The following PACRG variants were observed in gnomAD, a reference collection of about 807,000 sequenced individuals.
PACRG encodes the protein parkin coregulated gene protein.
PACRG carries 29 observed loss-of-function variants against 29.7 expected under a neutral mutation model. The observed-to-expected ratio is 0.98, with a 90% CI of 0.73 to 1.33. PACRG has a LOEUF of 1.33. Among genes scored for constraint, PACRG ranks in the 40% most tolerant of loss-of-function variants. The probability of loss-of-function intolerance (pLI) is 0.00; values close to 1 mark genes in which losing one functional copy is unlikely to be tolerated. For synonymous variants in PACRG, 116 were observed against 118.7 expected, an observed-to-expected ratio of 0.98 and a Z score of 0.15; for missense variants, 279 against 316.2, an observed-to-expected ratio of 0.88 and a Z score of 0.89.
intron 4 of PACRG, among the ~76,000 whole-genome samples, chr6:163,269,865 AAG>A (rs375505857): frequency 4.9e-5 from 3 of 61,176 alleles, no homozygotes; most frequent in African/African-American, 1.8e-4. Context: ...AAGAGAAAGA[AAG>A]AGAAAGAAAG....
At chr6:163,022,419 G>A (rs1322138980) in intron 2 of PACRG, among the ~76,000 whole-genome samples, 4 of 152,178 alleles carry the variant, frequency 2.6e-5, no homozygotes, top group African/African-American at 4.8e-5. Flanking sequence ...GAAGGCTGCC[G>A]AGATAAAAGC....
At chr6:163,118,548 T>C (rs1359278646) in intron 4 of PACRG, among the ~76,000 whole-genome samples, 7 of 152,262 alleles carry the variant, frequency 4.6e-5, no homozygotes, top group Admixed American at 4.6e-4. Context: ...AAAACTGTTA[T>C]TCATGTTAGG....
intron 4 of PACRG, among the ~76,000 whole-genome samples, chr6:163,097,146 A>G (rs1387200922): frequency 6.6e-6 from 1 of 151,890 alleles, no homozygotes; most frequent in African/African-American, 2.4e-5. Flanking sequence ...TGAAATCCCA[A>G]CCTCTTTCCA....
intron 2 of PACRG, among the ~76,000 whole-genome samples, chr6:162,825,086 T>C (rs978360602): frequency 6.6e-6 from 1 of 152,174 alleles, no homozygotes; most frequent in Admixed American, 6.5e-5. Flanking sequence ...ATTGCCATAT[T>C]AAGAAATAAT....
In PACRG at chr6:163,275,007, C is replaced by T. The variant is rs533499521; in HGVS notation, c.614-39820C>T. Among the ~76,000 whole-genome samples the T allele has an allele frequency of 7.2e-5, 11 of 151,998 alleles. No individual in the cohort carries two copies. The South Asian group carries it at 1.2e-3, about 17-fold the overall frequency. ...CCTCCCAAGTAGCTGAGATTACAGG[C>T]GTGCACCACCAGACCCAGCTAGGTT... On this transcript the variant is annotated intron_variant, in intron 4 of 4. Transcript: ENST00000366888.
At chr6:163,103,397 C>T (rs2128315065) in intron 4 of PACRG, among the ~76,000 whole-genome samples, 1 of 152,268 alleles carries the variant, frequency 6.6e-6, no homozygotes, top group African/African-American at 2.4e-5. Context: ...TATCACTCGG[C>T]CTCCCCTTCT....
At chr6:163,253,204 G>T (rs1782976067) in intron 4 of PACRG, among the ~76,000 whole-genome samples, 1 of 151,548 alleles carries the variant, frequency 6.6e-6, no homozygotes, top group Non-Finnish European at 1.5e-5. Flanking sequence ...GGAGGCTGAG[G>T]CAGGAGAATC....
intron 4 of PACRG, among the ~76,000 whole-genome samples, chr6:163,145,974 T>G (rs929541363): frequency 4.6e-5 from 7 of 152,312 alleles, no homozygotes; most frequent in African/African-American, 1.7e-4. Flanking sequence ...ATTAAGTCTC[T>G]GGTGGTGAAA....
chr6:162,748,535 C>A (rs1157321360), intron 1 of PACRG, among the ~76,000 whole-genome samples: 2 of 152,032 alleles, frequency 1.3e-5, no homozygotes, highest in African/African-American at 2.4e-5. Flanking sequence ...AACTTGTATT[C>A]AGTTTATAGT....
intron 4 of PACRG, among the ~76,000 whole-genome samples, chr6:163,133,347 T>C (rs1045537019): frequency 2.6e-5 from 4 of 152,220 alleles, no homozygotes; most frequent in African/African-American, 9.6e-5. Context: ...TTTTAATCAA[T>C]AACTACAAGT....
At chr6:163,239,831 C>T (rs1258902463) in intron 4 of PACRG, among the ~76,000 whole-genome samples, 1 of 107,474 alleles carries the variant, frequency 9.3e-6, no homozygotes, top group East Asian at 2.6e-4. Context: ...TACTTCTACA[C>T]ACACTCACAT....
At chr6:163,272,909 T>TTTTTTTTTTTTTTTG (rs1783890312) in intron 4 of PACRG, among the ~76,000 whole-genome samples, 1 of 132,324 alleles carries the variant, frequency 7.6e-6, no homozygotes, top group African/African-American at 3.3e-5. Flanking sequence ...TTTTTTTTTT[T>TTTTTTTTTTTTTTTG]GAGACGGAGT....
chr6:163,229,098 A>G (rs911134946), intron 4 of PACRG, among the ~76,000 whole-genome samples: 8 of 152,162 alleles, frequency 5.3e-5, no homozygotes, highest in Non-Finnish European at 1.0e-4. Flanking sequence ...AGTGGCTCAT[A>G]CCTGTAGTCC....
chr6:162,904,493 C>T (rs775081892), intron 2 of PACRG, among the ~76,000 whole-genome samples: 9 of 152,154 alleles, frequency 5.9e-5, no homozygotes, highest in African/African-American at 9.7e-5. Flanking sequence ...TGGCAGTGTC[C>T]GATTCCTGGA....
chr6:163,314,234 C>T (rs995130620), intron 4 of PACRG, among the ~76,000 whole-genome samples: 2 of 152,160 alleles, frequency 1.3e-5, no homozygotes, highest in African/African-American at 4.8e-5. Context: ...GTCATCCCAG[C>T]ATTGAGTGAT....
In PACRG at chr6:162,966,539, T is replaced by C. The variant is rs528788276; in HGVS notation, c.292-95611T>C. Among the ~76,000 whole-genome samples the C allele has an allele frequency of 7.7e-3, 1,162 of 150,156 alleles. 9 individuals are homozygous for C. Among genetic ancestry groups the C allele is most frequent in the African/African-American group, 0.026 (1,054 of 40,688 alleles). The stretch of plus-strand genomic sequence containing the variant: ...TTGCCCAGGCTGGAGTGCAGTGGTG[T>C]GATCTCGGCTCACTGCAAGCTCCGC... On this transcript the variant is annotated intron_variant, in intron 2 of 4. Transcript: ENST00000366888.
At chr6:162,876,319 C>T (rs1258362939) in intron 2 of PACRG, among the ~76,000 whole-genome samples, 4 of 152,220 alleles carry the variant, frequency 2.6e-5, no homozygotes, top group African/African-American at 7.2e-5. Context: ...TCACTCTCTT[C>T]CTGCTGTCCT....
chr6:163,213,608 C>A (rs1781240652), intron 4 of PACRG, among the ~76,000 whole-genome samples: 2 of 152,190 alleles, frequency 1.3e-5, no homozygotes, highest in South Asian at 4.2e-4. Context: ...TGATCATTGA[C>A]CATTTATACT....
intron 4 of PACRG, among the ~76,000 whole-genome samples, chr6:163,112,305 T>C (rs1397450291): frequency 2.6e-5 from 4 of 152,218 alleles, no homozygotes; most frequent in African/African-American, 9.6e-5. Context: ...CCCCCAGTCC[T>C]ATGGCAGGGA....
Sources: gnomAD v4.1 joint callset for allele counts (sites outside exome capture counted in the v4.1 genomes callset) on GRCh38, gnomAD v4.1.1 for gene constraint, MANE v1.5 for transcripts, NCBI Gene and HGNC (gene_info 2026-07-23, HGNC 2026-07-21) for gene names.